The following CADPS2 variants were observed in gnomAD, a reference collection of about 807,000 sequenced individuals.
CADPS2 encodes calcium dependent secretion activator 2.
CADPS2 carries 93 observed loss-of-function variants against 172.5 expected under a neutral mutation model. The ratio of observed to expected loss-of-function variants is 0.54; its 90% CI spans 0.46 to 0.64. The LOEUF is 0.64. Ranked by LOEUF, CADPS2 falls within the 30% of genes least tolerant of loss-of-function variation. The pLI is 0.00. For missense variants in CADPS2, 1,420 were observed against 1,565.9 expected, an observed-to-expected ratio of 0.91 and a Z score of 1.57; for synonymous variants, 546 against 555.2, an observed-to-expected ratio of 0.98 and a Z score of 0.23.
intron 1 of CADPS2, among the ~76,000 whole-genome samples, chr7:122,756,474 A>G (rs2093166232): frequency 6.6e-6 from 1 of 151,554 alleles, no homozygotes; most frequent in Non-Finnish European, 1.5e-5. Flanking sequence ...AATAAAAATA[A>G]GAAGTTATAT....
chr7:122,589,943 G>A (rs2070489036), intron 6 of CADPS2, among the ~76,000 whole-genome samples: 1 of 151,886 alleles, frequency 6.6e-6, no homozygotes, highest in Non-Finnish European at 1.5e-5. Context: ...ATCATCTCAA[G>A]TATAGAGCAC....
At chr7:122,702,830 G>A (rs1489087051) in intron 2 of CADPS2, 1 of 1,084,886 alleles carries the variant, frequency 9.2e-7, no homozygotes, top group African/African-American at 1.6e-5. Flanking sequence ...AAGATAGCTT[G>A]TTGGCGGCAG....
intron 8 of CADPS2, among the ~76,000 whole-genome samples, chr7:122,550,032 T>C (rs982643445): frequency 6.6e-6 from 1 of 152,118 alleles, no homozygotes; most frequent in African/African-American, 2.4e-5. Flanking sequence ...TTTCACTTTA[T>C]GAGGAAATAC....
intron 7 of CADPS2, among the ~76,000 whole-genome samples, chr7:122,556,547 A>C (rs894014056): frequency 2.0e-5 from 3 of 152,162 alleles, no homozygotes; most frequent in African/African-American, 7.2e-5. Flanking sequence ...AAAACTTTTG[A>C]CAATTTCTCA....
intron 3 of CADPS2, among the ~76,000 whole-genome samples, chr7:122,631,490 G>A (rs1166491873): frequency 6.6e-6 from 1 of 151,930 alleles, no homozygotes; most frequent in African/African-American, 2.4e-5. Context: ...TGTTGCCCAG[G>A]CTTGTCTTGA....
At chr7:122,874,397 T>C (rs1324283361) in intron 1 of CADPS2, among the ~76,000 whole-genome samples, 2 of 152,092 alleles carry the variant, frequency 1.3e-5, no homozygotes, top group Non-Finnish European at 2.9e-5. Flanking sequence ...CACAAACAAA[T>C]GGAAAAACAT....
At chr7:122,800,220 T>C (rs1428559011) in intron 1 of CADPS2, among the ~76,000 whole-genome samples, 3 of 152,214 alleles carry the variant, frequency 2.0e-5, no homozygotes, top group African/African-American at 7.2e-5. Flanking sequence ...CATTTATTGG[T>C]TCACAATATA....
intron 1 of CADPS2, among the ~76,000 whole-genome samples, chr7:122,775,439 T>C (rs1270994654): frequency 1.3e-5 from 2 of 152,152 alleles, no homozygotes; most frequent in African/African-American, 4.8e-5. Context: ...GCATCTAAAG[T>C]GCATCTGTGT....
intron 1 of CADPS2, among the ~76,000 whole-genome samples, chr7:122,815,705 A>C (rs1801168998): frequency 6.6e-6 from 1 of 152,200 alleles, no homozygotes; most frequent in Admixed American, 6.5e-5. Flanking sequence ...CTACATCATT[A>C]TAAAGCCACA....
intron 19 of CADPS2, chr7:122,409,479 TCAAAA>T: frequency 3.5e-6 from 1 of 282,668 alleles, no homozygotes; most frequent in Admixed American, 4.0e-5. Context: ...TTTTTTTTTT[TCAAAA>T]CAGCTTCAGG....
intron 3 of CADPS2, among the ~76,000 whole-genome samples, chr7:122,646,054 A>G (rs1588106224): frequency 6.6e-6 from 1 of 152,092 alleles, no homozygotes; most frequent in South Asian, 2.1e-4. Context: ...TAACAAAGAC[A>G]CTATCACTTT....
intron 18 of CADPS2, among the ~76,000 whole-genome samples, 180 bp from the exon 19 acceptor site, chr7:122,414,256 A>C (rs2151739445): frequency 6.6e-6 from 1 of 152,308 alleles, no homozygotes; most frequent in Non-Finnish European, 1.5e-5. Flanking sequence ...ATTAGTAAAT[A>C]AGATATACAT....
At position 122,615,375 on chromosome 7, in the gene CADPS2, T is replaced by C. The variant is rs75231275; in HGVS notation, c.1105-76A>G. On this transcript the variant is annotated intron_variant, in intron 5 of 29. Coordinates refer to ENST00000449022, the MANE Select transcript of CADPS2 (RefSeq NM_017954.11). ...AATATACATAAACAGCAGCATGAAC[T>C]GTAATAAGGAAGATTGACAAAACTG... is the stretch of plus-strand genomic sequence containing the variant. 770 of 953,738 alleles carry C rather than the reference T, an allele frequency of 8.1e-4. 3 individuals are homozygous for C. The African/African-American group carries it at 0.011, about 14-fold the overall frequency. The allele number at this position is 953,738 out of a possible 1,614,324, so 59.1% of individuals were successfully genotyped here.
At chr7:122,548,671 TAGAC>T (rs1272596798) in intron 8 of CADPS2, among the ~76,000 whole-genome samples, 2 of 152,276 alleles carry the variant, frequency 1.3e-5, no homozygotes, top group South Asian at 2.1e-4. Context: ...TAAAAAGTGT[TAGAC>T]AGCATTAGAC....
At chr7:122,803,927 G>A (rs116686323) in intron 1 of CADPS2, among the ~76,000 whole-genome samples, 7 of 131,622 alleles carry the variant, frequency 5.3e-5, no homozygotes, top group Admixed American at 5.0e-4. Context: ...AGGATCCCTA[G>A]TTTTGACCTG....
intron 8 of CADPS2, among the ~76,000 whole-genome samples, chr7:122,547,529 A>G (rs2063751971): frequency 6.6e-6 from 1 of 152,198 alleles, no homozygotes; most frequent in South Asian, 2.1e-4. Flanking sequence ...CATCAATTCA[A>G]CAAATATTTG....
At chr7:122,710,577 C>T (rs1354214323) in intron 2 of CADPS2, among the ~76,000 whole-genome samples, 1 of 152,064 alleles carries the variant, frequency 6.6e-6, no homozygotes, top group Non-Finnish European at 1.5e-5. Context: ...GTTTGTAAAT[C>T]GCCAAGCACA....
intron 5 of CADPS2, among the ~76,000 whole-genome samples, chr7:122,618,059 C>A (rs1026438791): frequency 2.1e-5 from 3 of 144,532 alleles, no homozygotes; most frequent in African/African-American, 7.6e-5. Flanking sequence ...AAAAAAAAAT[C>A]AACTATATTC....
chr7:122,407,039 T>C (rs2046735641), intron 20 of CADPS2, among the ~76,000 whole-genome samples: 2 of 152,228 alleles, frequency 1.3e-5, no homozygotes, highest in Non-Finnish European at 2.9e-5. Flanking sequence ...TTCTCCTTAA[T>C]TTCTAAATGT....
Sources: gnomAD v4.1 joint callset for allele counts (sites outside exome capture counted in the v4.1 genomes callset) on GRCh38, gnomAD v4.1.1 for gene constraint, MANE v1.5 for transcripts, NCBI Gene and HGNC (gene_info 2026-07-23, HGNC 2026-07-21) for gene names.